Variants in RBFOX1 observed in about 807,000 individuals in gnomAD.
RBFOX1 encodes RNA binding fox-1 homolog 1, also known as RNA binding protein fox-1 homolog 1.
In RBFOX1, 8 loss-of-function variants were observed where a neutral mutation model predicts 57.7. That is an observed-to-expected ratio of 0.14 (90% CI 0.08 to 0.25). The LOEUF is 0.25. RBFOX1 is among the 10% of genes least tolerant of loss of function. The probability of loss-of-function intolerance (pLI) is 1.00; values close to 1 mark genes in which losing one functional copy is unlikely to be tolerated. For synonymous variants in RBFOX1, 326 were observed against 222.4 expected, an observed-to-expected ratio of 1.47 and a Z score of -4.15; for missense variants, 611 against 548.5, an observed-to-expected ratio of 1.11 and a Z score of -1.14.
chr16:6,152,124 C>G (rs754193303), intron 1 of RBFOX1, among the ~76,000 whole-genome samples: 5 of 152,116 alleles, frequency 3.3e-5, no homozygotes, highest in Admixed American at 1.3e-4. Flanking sequence ...TCCATCAAAG[C>G]TGATGGAATA....
chr16:7,221,006 G>C (rs1391419297), intron 4 of RBFOX1, among the ~76,000 whole-genome samples: 1 of 152,120 alleles, frequency 6.6e-6, no homozygotes, highest in African/African-American at 2.4e-5. Context: ...TCCAACTCCA[G>C]CAATAAGAAC....
intron 2 of RBFOX1, among the ~76,000 whole-genome samples, chr16:6,556,996 CATATATATACAT>C (rs1439703861): frequency 8.6e-4 from 37 of 42,990 alleles, no homozygotes; most frequent in Non-Finnish European, 1.6e-3. Flanking sequence ...TATATACATA[CATATATATACAT>C]ATATATACAT....
At chr16:5,352,628 A>G (rs2065287606) in intron 1 of RBFOX1, among the ~76,000 whole-genome samples, 1 of 152,128 alleles carries the variant, frequency 6.6e-6, no homozygotes, top group Non-Finnish European at 1.5e-5. Flanking sequence ...TAATGAGCAC[A>G]CTCAAGAAAT....
intron 2 of RBFOX1, among the ~76,000 whole-genome samples, chr16:6,602,560 A>G (rs901288831): frequency 3.9e-5 from 6 of 152,080 alleles, no homozygotes; most frequent in Admixed American, 2.0e-4. Context: ...CCTGCAGGAC[A>G]GGGTTGTGTG....
chr16:5,416,757 C>T (rs1031316395), intron 1 of RBFOX1, among the ~76,000 whole-genome samples: 1 of 151,980 alleles, frequency 6.6e-6, no homozygotes, highest in African/African-American at 2.4e-5. Context: ...GAATCAACTC[C>T]CCTTGTCTCA....
At chr16:6,077,943 G>GC (rs1324484160) in intron 1 of RBFOX1, among the ~76,000 whole-genome samples, 1 of 152,064 alleles carries the variant, frequency 6.6e-6, no homozygotes, top group Non-Finnish European at 1.5e-5. Flanking sequence ...ATGAGCTGTT[G>GC]CCCCCAGGAA....
chr16:7,602,297 C>A (rs1430588713), intron 9 of RBFOX1, among the ~76,000 whole-genome samples: 1 of 152,118 alleles, frequency 6.6e-6, no homozygotes. Context: ...GTCCTGGCCA[C>A]GGAGGGGTCT....
At chr16:5,535,060 C>T (rs1285833153) in intron 2 of RBFOX1, among the ~76,000 whole-genome samples, 1 of 152,158 alleles carries the variant, frequency 6.6e-6, no homozygotes, top group Non-Finnish European at 1.5e-5. Flanking sequence ...TTAGATCCTA[C>T]TGGAGAGAGA....
At chr16:6,989,119 C>T (rs1181617643) in intron 3 of RBFOX1, among the ~76,000 whole-genome samples, 2 of 152,134 alleles carry the variant, frequency 1.3e-5, no homozygotes, top group African/African-American at 2.4e-5. Context: ...TTGGCCTAAA[C>T]TCTTGACCTC....
chr16:7,312,708 T>C (rs1382825931), intron 4 of RBFOX1, among the ~76,000 whole-genome samples: 1 of 152,220 alleles, frequency 6.6e-6, no homozygotes, highest in African/African-American at 2.4e-5. Flanking sequence ...GTCTTGCTCT[T>C]GTCAGTAGCG....
chr16:6,644,000 C>T (rs2098513205), intron 2 of RBFOX1, among the ~76,000 whole-genome samples: 2 of 152,108 alleles, frequency 1.3e-5, no homozygotes, highest in Non-Finnish European at 2.9e-5. Context: ...GTAGCATGCA[C>T]CTGTAATCCC....
At chr16:5,407,562 T>C (rs1479629040) in intron 1 of RBFOX1, among the ~76,000 whole-genome samples, 1 of 152,066 alleles carries the variant, frequency 6.6e-6, no homozygotes, top group African/African-American at 2.4e-5. Flanking sequence ...GCCTTTGGGC[T>C]TTTTGTTTTT....
At chr16:7,356,631 G>C (rs900808183) in intron 4 of RBFOX1, among the ~76,000 whole-genome samples, 3 of 152,232 alleles carry the variant, frequency 2.0e-5, no homozygotes, top group African/African-American at 7.2e-5. Flanking sequence ...AAGCAGGGCA[G>C]CAGCAGAATT....
chr16:5,241,034 A>G (rs1029824970), intron 1 of RBFOX1, among the ~76,000 whole-genome samples: 7 of 152,222 alleles, frequency 4.6e-5, no homozygotes, highest in African/African-American at 1.7e-4. Context: ...CCATTTGCTC[A>G]GCTGAGCTTG....
chr16:6,348,782 C>G (rs1322077632), intron 2 of RBFOX1, among the ~76,000 whole-genome samples: 1 of 152,130 alleles, frequency 6.6e-6, no homozygotes, highest in Non-Finnish European at 1.5e-5. Flanking sequence ...AGGATCCACA[C>G]CCTTGATCCC....
chr16:5,692,115 A>G (rs2151461964), intron 3 of RBFOX1, among the ~76,000 whole-genome samples: 1 of 152,210 alleles, frequency 6.6e-6, no homozygotes, highest in South Asian at 2.1e-4. Flanking sequence ...AGTAACTTTA[A>G]TAAACTAGGC....
rs192943603 is a variant in RBFOX1, at chr16:6,593,996, T to A, written c.-63-60607T>A. Reference sequence around the variant, plus strand: ...TGCACGTGGAAGATTCCAGCCTCCCTCCGCCCAGTGTTACAGCTTGGACTG... The same window carrying A: ...TGCACGTGGAAGATTCCAGCCTCCCACCGCCCAGTGTTACAGCTTGGACTG... On this transcript the variant is annotated intron_variant, in intron 2 of 15. Transcript: ENST00000550418. Among the ~76,000 whole-genome samples, 184 of 152,266 alleles carry A rather than the reference T, an allele frequency of 1.2e-3. 1 individual carries two copies. Among genetic ancestry groups the A allele is most frequent in the African/African-American group, 4.0e-3 (168 of 41,544 alleles).
intron 10 of RBFOX1, among the ~76,000 whole-genome samples, chr16:7,622,548 C>G (rs1369902567): frequency 6.6e-6 from 1 of 151,984 alleles, no homozygotes; most frequent in East Asian, 1.9e-4. Context: ...TTGTATTATT[C>G]TTGTGACTTT....
At chr16:7,212,012 C>G (rs2091238608) in intron 4 of RBFOX1, among the ~76,000 whole-genome samples, 1 of 152,136 alleles carries the variant, frequency 6.6e-6, no homozygotes, top group South Asian at 2.1e-4. Flanking sequence ...ACCTGCCTTG[C>G]CTGGCTGAGT....
Sources: allele counts gnomAD v4.1 joint callset (sites outside exome capture counted in the v4.1 genomes callset), GRCh38; gene constraint gnomAD v4.1.1; transcripts MANE v1.5; gene names NCBI Gene and HGNC (gene_info 2026-07-23, HGNC 2026-07-21).